ACOXL: variants seen among roughly 807,000 people sequenced by gnomAD.
ACOXL encodes acyl-coenzyme A oxidase-like protein.
A neutral mutation model predicts 71.9 loss-of-function variants in ACOXL; 70 were observed. That is an observed-to-expected ratio of 0.97 (90% CI 0.80 to 1.19). ACOXL has a LOEUF of 1.19. Among genes scored for constraint, ACOXL ranks in the 50% most tolerant of loss-of-function variants. ACOXL has a pLI of 0.00. For missense variants in ACOXL, 703 were observed against 736.3 expected (o/e 0.95, Z 0.52); for synonymous variants, 253 against 281.6 (o/e 0.90, Z 1.02).
At chr2:110,982,378 C>A (rs1331451584) in intron 12 of ACOXL, among the ~76,000 whole-genome samples, 2 of 152,110 alleles carry the variant, frequency 1.3e-5, no homozygotes, top group African/African-American at 4.8e-5. Flanking sequence ...TCCTTCTCCT[C>A]TCGTCTCTCC....
At chr2:110,909,887 G>A (rs2059589934) in intron 11 of ACOXL, among the ~76,000 whole-genome samples, 1 of 151,838 alleles carries the variant, frequency 6.6e-6, no homozygotes, top group Admixed American at 6.6e-5. Flanking sequence ...AGGCTGAGCT[G>A]CAGGTAACAA....
intron 15 of ACOXL, chr2:111,036,764 G>C (rs1269024865): frequency 6.6e-6 from 1 of 152,194 alleles, no homozygotes; most frequent in Non-Finnish European, 1.5e-5. Context: ...GGACACGAAA[G>C]TGAGAACTCA....
intron 16 of ACOXL, among the ~76,000 whole-genome samples, chr2:111,049,934 C>G (rs1303428576): frequency 6.6e-6 from 1 of 152,126 alleles, no homozygotes; most frequent in Non-Finnish European, 1.5e-5. Flanking sequence ...AAGCTGCCCA[C>G]CTGGATTTAA....
At chr2:111,024,764 T>C (rs13018462) in intron 14 of ACOXL, among the ~76,000 whole-genome samples, 2,000 of 152,096 alleles carry the variant, frequency 0.013, 16 homozygotes, top group African/African-American at 0.019. Context: ...ACAGAGGAGC[T>C]TCCCGGTAGA....
At chr2:111,106,908 A>G (rs1330656206) in intron 17 of ACOXL, among the ~76,000 whole-genome samples, 2 of 152,182 alleles carry the variant, frequency 1.3e-5, no homozygotes, top group Non-Finnish European at 2.9e-5. Flanking sequence ...CTTTACTCAC[A>G]CTGGCAGTGA....
intron 14 of ACOXL, among the ~76,000 whole-genome samples, chr2:110,999,673 T>G (rs2063537112): frequency 6.6e-6 from 1 of 152,184 alleles, no homozygotes. Flanking sequence ...GTCACTCTGT[T>G]GCACTCTCTC....
intron 12 of ACOXL, among the ~76,000 whole-genome samples, chr2:110,959,109 G>A (rs1325972059): frequency 6.6e-6 from 1 of 152,216 alleles, no homozygotes; most frequent in East Asian, 1.9e-4. Context: ...TTGGAATCTT[G>A]CTTGGCTGAG....
intron 9 of ACOXL, among the ~76,000 whole-genome samples, chr2:110,839,218 C>T (rs1261791220): frequency 6.6e-6 from 1 of 151,918 alleles, no homozygotes; most frequent in Non-Finnish European, 1.5e-5. Context: ...GAAAAGCCAC[C>T]AATTAAACTG....
At chr2:110,843,534 G>A (rs764257174) in intron 10 of ACOXL, among the ~76,000 whole-genome samples, 12 of 152,288 alleles carry the variant, frequency 7.9e-5, no homozygotes, top group Admixed American at 2.0e-4. Flanking sequence ...GGATCCTGGC[G>A]GCTTCAGATT....
intron 17 of ACOXL, chr2:111,093,617 C>A: frequency 7.0e-7 from 1 of 1,438,688 alleles, no homozygotes; most frequent in Non-Finnish European, 9.6e-7. Context: ...GTAATCCCAG[C>A]ACTATGGGAG....
intron 2 of ACOXL, among the ~76,000 whole-genome samples, chr2:110,783,031 G>A (rs557816859): frequency 4.7e-4 from 71 of 152,248 alleles, no homozygotes; most frequent in African/African-American, 1.7e-3. Flanking sequence ...TTAATAATGA[G>A]GAGCAGGGAG....
chr2:111,082,020 C>A (rs1364658709), intron 16 of ACOXL, among the ~76,000 whole-genome samples: 1 of 152,118 alleles, frequency 6.6e-6, no homozygotes, highest in Non-Finnish European at 1.5e-5. Flanking sequence ...AAAATTAACT[C>A]AAGATGGATT....
chr2:110,963,000 G>C (rs1275021057), intron 12 of ACOXL, among the ~76,000 whole-genome samples: 1 of 152,142 alleles, frequency 6.6e-6, no homozygotes, highest in Non-Finnish European at 1.5e-5. Flanking sequence ...TTTACTTGGG[G>C]CCAAACTTAC....
intron 17 of ACOXL, among the ~76,000 whole-genome samples, chr2:111,097,392 C>T (rs112770746): frequency 2.2e-4 from 34 of 152,194 alleles, no homozygotes; most frequent in Admixed American, 5.9e-4. Flanking sequence ...AGTAACACAG[C>T]TAGCAAAAAC....
At chr2:111,021,323 G>A (rs557201146) in intron 14 of ACOXL, among the ~76,000 whole-genome samples, 4 of 152,266 alleles carry the variant, frequency 2.6e-5, no homozygotes, top group South Asian at 2.1e-4. Flanking sequence ...CTCTTTCTCC[G>A]TGGGAAACAA....
intron 1 of ACOXL, among the ~76,000 whole-genome samples, chr2:110,763,837 A>G (rs1284545197): frequency 6.6e-6 from 1 of 152,240 alleles, no homozygotes; most frequent in Non-Finnish European, 1.5e-5. Context: ...GAACATTTCA[A>G]ACTCAACAAT....
chr2:111,006,537 T>C (rs2063882298), intron 14 of ACOXL, among the ~76,000 whole-genome samples: 1 of 152,002 alleles, frequency 6.6e-6, no homozygotes, highest in Non-Finnish European at 1.5e-5. Context: ...TGTTCTTCTT[T>C]TGTTTTGTGG....
At chr2:110,847,286 G>A (rs1010289921) in intron 10 of ACOXL, among the ~76,000 whole-genome samples, 1 of 152,164 alleles carries the variant, frequency 6.6e-6, no homozygotes, top group African/African-American at 2.4e-5. Flanking sequence ...CCTGGTGAGT[G>A]CCCCTGGGCC....
At chr2:111,116,519 C>T (rs2070364435) in intron 17 of ACOXL, among the ~76,000 whole-genome samples, 5 of 151,896 alleles carry the variant, frequency 3.3e-5, no homozygotes, top group Admixed American at 3.3e-4. Context: ...CCTGAAATGG[C>T]GTTTTGGACT....
Sources: gnomAD v4.1 joint callset for allele counts (sites outside exome capture counted in the v4.1 genomes callset) on GRCh38, gnomAD v4.1.1 for gene constraint, MANE v1.5 for transcripts, NCBI Gene and HGNC (gene_info 2026-07-23, HGNC 2026-07-21) for gene names.